Variants in TSEN2 observed in about 807,000 individuals in gnomAD.
TSEN2 encodes tRNA splicing endonuclease subunit 2, also known as tRNA-splicing endonuclease subunit Sen2.
Under a neutral mutation model 59.2 loss-of-function variants are expected in TSEN2, and 54 were observed. The observed-to-expected ratio is 0.91, with a 90% CI of 0.73 to 1.14. TSEN2 has a LOEUF of 1.14. TSEN2 is among the 50% of genes most tolerant of loss of function. The probability of loss-of-function intolerance (pLI) is 0.00; values close to 1 mark genes in which losing one functional copy is unlikely to be tolerated. For missense variants in TSEN2, 636 were observed against 576.2 expected, an observed-to-expected ratio of 1.10 and a Z score of -1.06; for synonymous variants, 195 against 198.2, an observed-to-expected ratio of 0.98 and a Z score of 0.14.
At chr3:12,480,371 C>T (rs1290668073), upstream of TSEN2, among the ~76,000 whole-genome samples, 1 of 152,178 alleles carries the variant, frequency 6.6e-6, no homozygotes, top group Non-Finnish European at 1.5e-5. Flanking sequence ...GGCTAACCTC[C>T]CTTCCAGGGG....
At chr3:12,504,662 AAG>A (rs1453718179) in intron 5 of TSEN2, among the ~76,000 whole-genome samples, 1 of 152,214 alleles carries the variant, frequency 6.6e-6, no homozygotes, top group Non-Finnish European at 1.5e-5. Flanking sequence ...ACAGGGGAAA[AAG>A]GAAATAAATG....
chr3:12,506,083 C>T (rs573773227), intron 6 of TSEN2, among the ~76,000 whole-genome samples: 2 of 151,090 alleles, frequency 1.3e-5, no homozygotes, highest in South Asian at 4.1e-4. Flanking sequence ...TATTTTGTTA[C>T]TAATTTTCAC....
intron 6 of TSEN2, among the ~76,000 whole-genome samples, chr3:12,507,999 G>A (rs2055019898): frequency 6.6e-6 from 1 of 152,180 alleles, no homozygotes; most frequent in Non-Finnish European, 1.5e-5. Context: ...AGATGGGGGA[G>A]GGTGTGTCCA....
At chr3:12,530,303 A>T in intron 10 of TSEN2, 1 of 992,274 alleles carries the variant, frequency 1.0e-6, no homozygotes, top group African/African-American at 1.7e-5. Flanking sequence ...GTTGCTAAGC[A>T]CTTTCCCACC....
intron 4 of TSEN2, among the ~76,000 whole-genome samples, chr3:12,500,235 T>G (rs951293882): frequency 6.6e-6 from 1 of 152,208 alleles, no homozygotes; most frequent in Admixed American, 6.5e-5. Context: ...CTTTTTAAGG[T>G]GTTGCCAGCC....
At chr3:12,484,063 C>A (rs142992647), upstream of TSEN2, among the ~76,000 whole-genome samples, 36 of 152,348 alleles carry the variant, frequency 2.4e-4, no homozygotes, top group Middle Eastern at 3.4e-3. Flanking sequence ...GCAGCGTACA[C>A]AGGTGCGCTG....
chr3:12,501,542 G>C (rs2054283312), intron 4 of TSEN2, among the ~76,000 whole-genome samples: 3 of 152,142 alleles, frequency 2.0e-5, no homozygotes, highest in Admixed American at 1.3e-4. Context: ...TCTCTTTTTA[G>C]GTACAGCAGA....
chr3:12,516,133 T>C (rs987178056), intron 6 of TSEN2, among the ~76,000 whole-genome samples: 7 of 152,102 alleles, frequency 4.6e-5, no homozygotes, highest in Admixed American at 1.3e-4. Context: ...ATTAAAAATA[T>C]GTGACTTTTG....
intron 10 of TSEN2, 81 bp from the exon 11 acceptor site, chr3:12,531,487 GAC>G: frequency 1.2e-6 from 1 of 846,670 alleles, no homozygotes. Flanking sequence ...AGGGACTGGA[GAC>G]CACCTGCATT....
chr3:12,505,080 C>T (rs539640348), intron 5 of TSEN2, 74 bp from the exon 6 acceptor site: 2 of 887,426 alleles, frequency 2.3e-6, no homozygotes, highest in South Asian at 1.4e-5. Flanking sequence ...GAAAAATGTT[C>T]ATTTTAAAAT....
At chr3:12,519,240 A>G (rs1479528974) in intron 8 of TSEN2, 43 bp downstream of exon 8, 2 of 1,611,844 alleles carry the variant, frequency 1.2e-6, no homozygotes, top group Admixed American at 1.7e-5. Flanking sequence ...TAGAGTTTAT[A>G]TCAGATTCAC....
At position 12,523,526 on chromosome 3, in the gene TSEN2, C is replaced by CTTTTTTTTTTTTTTTT. The variant is rs546904336; in HGVS notation, c.1099+4339_1099+4354dup. On this transcript the variant is annotated intron_variant, in intron 8 of 11. Transcript: ENST00000284995. Reference sequence around the variant, plus strand: ...CTTCTCCTCATCTTCCTCTTTGATTCTTTTTTTTTTTTTTTTTTTTTTTTT... The same window carrying CTTTTTTTTTTTTTTTT: ...CTTCTCCTCATCTTCCTCTTTGATTCTTTTTTTTTTTTTTTTTTTTTTTTTTTTTTTTTTTTTTTTT... Among the ~76,000 whole-genome samples, 315 of 46,474 alleles carry CTTTTTTTTTTTTTTTT rather than the reference C, an allele frequency of 6.8e-3. 57 individuals carry two copies. The highest frequency in any genetic ancestry group is 8.2e-3 in the African/African-American group (104 of 12,668). The allele number at this position is 46,474 out of a possible 152,430, so 30.5% of individuals were successfully genotyped here. A position where few individuals can be genotyped will look rare whatever the true frequency, so the allele number is the denominator to read the frequency against.
At chr3:12,494,692 C>T (rs1279170192) in intron 3 of TSEN2, among the ~76,000 whole-genome samples, 2 of 151,866 alleles carry the variant, frequency 1.3e-5, no homozygotes, top group African/African-American at 4.8e-5. Context: ...TGAGCCACTA[C>T]GCCTGACCAA....
At chr3:12,486,921 T>C (rs1172607350) in intron 1 of TSEN2, among the ~76,000 whole-genome samples, 2 of 152,380 alleles carry the variant, frequency 1.3e-5, no homozygotes, top group East Asian at 1.9e-4. Context: ...CCACATTTTG[T>C]TGATCTGGTC....
At chr3:12,523,310 T>C (rs1450374050) in intron 8 of TSEN2, among the ~76,000 whole-genome samples, 1 of 152,084 alleles carries the variant, frequency 6.6e-6, no homozygotes, top group Non-Finnish European at 1.5e-5. Context: ...TTTCTGAGCT[T>C]TCTGCCAATT....
rs758236183 is a variant in TSEN2 at position 12,503,780 on chromosome 3, A to G, written c.827A>G (p.Glu276Gly). ...AGCGAGAGGGAGGCTGCCCCAAATG[A>G]GGAAGTAAGTAGAAGAAAATAAATC... ...AMSEREAAPN[E>G]ELVQRNRLIC... The change falls in exon 5 of 12, where the codon GAG becomes GGG. Residue 276 changes from glutamate (E) to glycine (G), a missense_variant. Physicochemically the swap from Glu to Gly is moderately conservative, Grantham distance 98. Coordinates refer to ENST00000284995, the MANE Select transcript of TSEN2 (RefSeq NM_025265.4). The G allele has an allele frequency of 2.5e-6, 4 of 1,613,800 alleles. No individual in the cohort carries two copies. In the African/African-American group the frequency reaches 5.3e-5, roughly 22 times the overall value.
intron 7 of TSEN2, 104 bp from the exon 8 acceptor site, chr3:12,518,955 T>C: frequency 2.6e-6 from 3 of 1,168,696 alleles, no homozygotes; most frequent in Non-Finnish European, 3.8e-6. Flanking sequence ...TGCATTTTCT[T>C]CACTGCTTCA....
At chr3:12,501,410 T>C (rs1412988226) in intron 4 of TSEN2, among the ~76,000 whole-genome samples, 1 of 152,198 alleles carries the variant, frequency 6.6e-6, no homozygotes, top group Non-Finnish European at 1.5e-5. Context: ...TTACCAGGTG[T>C]TAATCTTTAG....
At chr3:12,485,459 C>T (rs1357106908) in intron 1 of TSEN2, among the ~76,000 whole-genome samples, 3 of 152,096 alleles carry the variant, frequency 2.0e-5, no homozygotes, top group Non-Finnish European at 4.4e-5. Context: ...GCGCCCGGCC[C>T]CTCCGAGTCA....
Sources: allele counts gnomAD v4.1 joint callset (sites outside exome capture counted in the v4.1 genomes callset), GRCh38; gene constraint gnomAD v4.1.1; transcripts MANE v1.5; gene names NCBI Gene and HGNC (gene_info 2026-07-23, HGNC 2026-07-21).